Variants in ARHGAP42 observed in about 807,000 individuals in gnomAD.
ARHGAP42 encodes the protein rho GTPase-activating protein 42.
A neutral mutation model predicts 125.0 loss-of-function variants in ARHGAP42; 63 were observed. The observed-to-expected ratio is 0.50, with a 90% CI of 0.41 to 0.62. The LOEUF (loss-of-function observed/expected upper bound fraction) is 0.62, where lower values mean the gene tolerates loss of function less well. Ranked by LOEUF, ARHGAP42 falls within the 20% of genes least tolerant of loss-of-function variation. The pLI is 0.00. For synonymous variants in ARHGAP42, 339 were observed against 351.0 expected (o/e 0.97, Z 0.38); for missense variants, 766 against 1,024.2 (o/e 0.75, Z 3.44).
At chr11:100,975,631 A>G (rs777486061) in intron 19 of ARHGAP42, among the ~76,000 whole-genome samples, 19 of 152,198 alleles carry the variant, frequency 1.2e-4, no homozygotes, top group Non-Finnish European at 1.0e-4. Context: ...CTATGATCAG[A>G]AAAGTAAAAG....
intron 4 of ARHGAP42, among the ~76,000 whole-genome samples, chr11:100,885,249 T>TA (rs1281390588): frequency 6.6e-6 from 1 of 152,206 alleles, no homozygotes. Context: ...GTTAAACAGT[T>TA]AAAATATTGG....
At chr11:100,863,285 C>T (rs1057223019) in intron 4 of ARHGAP42, among the ~76,000 whole-genome samples, 1 of 152,112 alleles carries the variant, frequency 6.6e-6, no homozygotes, top group Admixed American at 6.6e-5. Context: ...TGGAGATTTC[C>T]CACAAGCATG....
At chr11:100,822,691 C>A (rs1591210593) in intron 3 of ARHGAP42, among the ~76,000 whole-genome samples, 1 of 152,058 alleles carries the variant, frequency 6.6e-6, no homozygotes, top group East Asian at 1.9e-4. Context: ...TTGCTCCATG[C>A]CTGTGTGGAC....
At chr11:100,908,012 G>A (rs1866793217) in intron 4 of ARHGAP42, among the ~76,000 whole-genome samples, 1 of 152,056 alleles carries the variant, frequency 6.6e-6, no homozygotes, top group South Asian at 2.1e-4. Context: ...ATCCTATGTG[G>A]CAATTAATAA....
chr11:100,876,694 AGCAATATATTT>A (rs1432064534), intron 4 of ARHGAP42, among the ~76,000 whole-genome samples: 1 of 151,976 alleles, frequency 6.6e-6, no homozygotes, highest in Non-Finnish European at 1.5e-5. Context: ...CCCTAGAGCA[AGCAATATATTT>A]GCAACTGAAC....
At chr11:100,713,461 C>T (rs1230807406) in intron 1 of ARHGAP42, among the ~76,000 whole-genome samples, 2 of 152,158 alleles carry the variant, frequency 1.3e-5, no homozygotes, top group African/African-American at 2.4e-5. Flanking sequence ...AAGTTCTTAG[C>T]GCTCTCTGAG....
intron 17 of ARHGAP42, among the ~76,000 whole-genome samples, chr11:100,968,319 A>G (rs1359430322): frequency 6.6e-6 from 1 of 152,082 alleles, no homozygotes; most frequent in Non-Finnish European, 1.5e-5. Context: ...GGTTGGACCT[A>G]TATCTACCAT....
intron 2 of ARHGAP42, among the ~76,000 whole-genome samples, chr11:100,775,712 A>G (rs1863102556): frequency 6.6e-6 from 1 of 152,208 alleles, no homozygotes; most frequent in South Asian, 2.1e-4. Flanking sequence ...ATAATAAAAG[A>G]CTTTAAGTCT....
chr11:100,703,921 C>T (rs1861437701), intron 1 of ARHGAP42, among the ~76,000 whole-genome samples: 1 of 152,178 alleles, frequency 6.6e-6, no homozygotes, highest in Non-Finnish European at 1.5e-5. Context: ...TAGAAAAGTG[C>T]TTTCCTAGGT....
intron 1 of ARHGAP42, among the ~76,000 whole-genome samples, chr11:100,731,299 C>T (rs1028880795): frequency 6.2e-4 from 94 of 152,190 alleles, no homozygotes; most frequent in African/African-American, 2.1e-3. Context: ...GCTGGGACTA[C>T]AGGCACCTGC....
At chr11:100,921,243 ATAT>A (rs1867256258) in intron 5 of ARHGAP42, among the ~76,000 whole-genome samples, 6 of 24,294 alleles carry the variant, frequency 2.5e-4, no homozygotes, top group Admixed American at 8.5e-4. Flanking sequence ...ATATATATAT[ATAT>A]TTTTTTTTTT....
chr11:100,938,085 C>T (rs1867783209), intron 8 of ARHGAP42, among the ~76,000 whole-genome samples: 2 of 150,926 alleles, frequency 1.3e-5, no homozygotes, highest in African/African-American at 4.9e-5. Context: ...CTTAATGGCA[C>T]CCCTCACTCT....
rs1272546563 is a variant in ARHGAP42 at position 100,990,456 on chromosome 11, TAGAG to T, written c.*1659_*1662del. The T allele has an allele frequency of 6.6e-6, 1 of 152,122 alleles. No homozygotes were observed. The highest frequency in any genetic ancestry group is 1.5e-5 in the Non-Finnish European group (1 of 68,010). The allele number at this position is 152,122 out of a possible 1,614,324, so 9.4% of individuals were successfully genotyped here. On this transcript the variant is annotated 3_prime_UTR_variant, in exon 24 of 24. Coordinates refer to ENST00000298815, the MANE Select transcript of ARHGAP42 (RefSeq NM_152432.4). Reference sequence around the variant, plus strand: ...AAAGAATAAGATTAGAATTAACAAGTAGAGAGAATAACGGTAGGCAGAGTCAGAA... The same window carrying T: ...AAAGAATAAGATTAGAATTAACAAGTAGAATAACGGTAGGCAGAGTCAGAA...
intron 20 of ARHGAP42, 111 bp downstream of exon 20, chr11:100,976,548 C>T: frequency 7.2e-7 from 1 of 1,381,446 alleles, no homozygotes. Flanking sequence ...ACTAATGATG[C>T]TTATCTACTT....
chr11:100,783,930 G>A (rs982649164), intron 2 of ARHGAP42, among the ~76,000 whole-genome samples: 1 of 152,152 alleles, frequency 6.6e-6, no homozygotes, highest in South Asian at 2.1e-4. Context: ...TTACAAAATA[G>A]AAGGGGGGTC....
intron 2 of ARHGAP42, among the ~76,000 whole-genome samples, chr11:100,793,134 G>A (rs1863611232): frequency 6.6e-6 from 1 of 152,094 alleles, no homozygotes; most frequent in Admixed American, 6.5e-5. Context: ...TTCTTTCTCT[G>A]TAGACCTGTT....
intron 4 of ARHGAP42, among the ~76,000 whole-genome samples, chr11:100,863,033 G>C (rs1443905200): frequency 3.0e-5 from 1 of 33,014 alleles, no homozygotes; most frequent in African/African-American, 1.0e-4. Flanking sequence ...GCGAAACTCC[G>C]TCTCAAAAAA....
chr11:100,781,834 TATATG>T (rs1183953985), intron 2 of ARHGAP42, among the ~76,000 whole-genome samples: 2 of 152,210 alleles, frequency 1.3e-5, no homozygotes, highest in Non-Finnish European at 2.9e-5. Context: ...TAATCAAATT[TATATG>T]ATCCCACAGA....
chr11:100,786,164 G>A (rs3858411), intron 2 of ARHGAP42, among the ~76,000 whole-genome samples: 7,326 of 152,214 alleles, frequency 0.048, 219 homozygotes, highest in Non-Finnish European at 0.073. Context: ...AATTGGGGGT[G>A]GTTTTGACTT....
Sources: gnomAD v4.1 joint callset for allele counts (sites outside exome capture counted in the v4.1 genomes callset) on GRCh38, gnomAD v4.1.1 for gene constraint, MANE v1.5 for transcripts, NCBI Gene and HGNC (gene_info 2026-07-23, HGNC 2026-07-21) for gene names.